MBNL1: variants seen among roughly 807,000 people sequenced by gnomAD.
MBNL1 encodes muscleblind like splicing regulator 1.
MBNL1 carries 8 observed loss-of-function variants against 42.2 expected under a neutral mutation model. The ratio of observed to expected loss-of-function variants is 0.19; its 90% CI spans 0.11 to 0.34. The LOEUF (loss-of-function observed/expected upper bound fraction) is 0.34, where lower values mean the gene tolerates loss of function less well. Ranked by LOEUF, MBNL1 falls within the 10% of genes least tolerant of loss-of-function variation. The pLI, the probability that MBNL1 is intolerant of heterozygous loss-of-function variation, is 1.00. For missense variants in MBNL1, 309 were observed against 495.3 expected, an observed-to-expected ratio of 0.62 and a Z score of 3.57; for synonymous variants, 169 against 173.9, an observed-to-expected ratio of 0.97 and a Z score of 0.22.
chr3:152,275,311 C>T (rs1043616293), intron 1 of MBNL1, among the ~76,000 whole-genome samples: 5 of 152,112 alleles, frequency 3.3e-5, no homozygotes, highest in African/African-American at 1.2e-4. Flanking sequence ...CTATCAAAGG[C>T]CCCCTTACTG....
At chr3:152,424,761 A>T (rs2098885877) in intron 3 of MBNL1, among the ~76,000 whole-genome samples, 1 of 152,200 alleles carries the variant, frequency 6.6e-6, no homozygotes, top group Non-Finnish European at 1.5e-5. Context: ...GAGGCCTCAG[A>T]AATCACACCA....
At chr3:152,402,860 T>C (rs1021187594) in intron 2 of MBNL1, among the ~76,000 whole-genome samples, 6 of 152,308 alleles carry the variant, frequency 3.9e-5, no homozygotes, top group Non-Finnish European at 7.3e-5. Flanking sequence ...TAAACACTTA[T>C]GGGGTTTTCT....
At chr3:152,427,633 A>G (rs1328247067) in intron 3 of MBNL1, among the ~76,000 whole-genome samples, 6 of 152,142 alleles carry the variant, frequency 3.9e-5, no homozygotes, top group East Asian at 1.9e-4. Context: ...TTTATATTCA[A>G]AATAGTTCAG....
At chr3:152,412,270 C>A (rs1280178321) in intron 2 of MBNL1, among the ~76,000 whole-genome samples, 2 of 148,526 alleles carry the variant, frequency 1.3e-5, no homozygotes, top group Non-Finnish European at 3.0e-5. Context: ...AGACATTATT[C>A]TCTTATTTTT....
chr3:152,403,963 A>T (rs1228966312), intron 2 of MBNL1, among the ~76,000 whole-genome samples: 1 of 152,166 alleles, frequency 6.6e-6, no homozygotes, highest in African/African-American at 2.4e-5. Flanking sequence ...TACAAAGTTG[A>T]TCTGTCTGAA....
intron 2 of MBNL1, among the ~76,000 whole-genome samples, chr3:152,368,317 TTGTAGA>T (rs1211164233): frequency 6.6e-6 from 1 of 152,146 alleles, no homozygotes. Context: ...GATGAGATAG[TTGTAGA>T]TGTGTGGTGT....
At chr3:152,260,363 C>G (rs915129770) in intron 2 of MBNL1, among the ~76,000 whole-genome samples, 1 of 152,112 alleles carries the variant, frequency 6.6e-6, no homozygotes, top group Non-Finnish European at 1.5e-5. Flanking sequence ...GGACTGACGG[C>G]ACATTCACGA....
At chr3:152,285,384 G>A (rs934761230) in intron 1 of MBNL1, among the ~76,000 whole-genome samples, 2 of 151,994 alleles carry the variant, frequency 1.3e-5, no homozygotes, top group African/African-American at 2.4e-5. Flanking sequence ...TTTAGCATAG[G>A]GATTTTAATG....
intron 1 of MBNL1, among the ~76,000 whole-genome samples, chr3:152,274,183 A>C (rs139862032): frequency 1.3e-5 from 2 of 151,878 alleles, no homozygotes; most frequent in East Asian, 3.9e-4. Flanking sequence ...ATTAACTAAA[A>C]ATGAACTTGT....
rs145199298 is a variant in MBNL1 at position 152,432,908 on chromosome 3, A to G, written c.537A>G (p.Thr179=). The part of the protein sequence containing the change: ...AAAAAQKLMR[T]DRLEVCREYQ... ...CTGCTGCACAGAAATTAATGCGAAC[A>G]GACAGACTTGAGGTAGGAATGACTA... Residue 179 remains threonine (T), a synonymous_variant, in exon 4 of 10, where the codon ACA becomes ACG. Coordinates refer to ENST00000324210, the MANE Select transcript of MBNL1 (RefSeq NM_021038.5). The G allele has an allele frequency of 6.7e-4, 1,086 of 1,612,914 alleles. No homozygotes were observed. Among genetic ancestry groups the G allele is most frequent in the Middle Eastern group, 9.9e-4 (6 of 6,056 alleles).
chr3:152,454,757 TC>T (rs772311182), intron 6 of MBNL1, among the ~76,000 whole-genome samples: 4 of 152,152 alleles, frequency 2.6e-5, no homozygotes, highest in Non-Finnish European at 5.9e-5. Context: ...CATTTGCTAC[TC>T]CCAGAAGTCT....
In MBNL1 at chr3:152,339,271, T is replaced by A. The variant is rs547809441; in HGVS notation, c.174+38904T>A. 1.1e-4 allele frequency among the ~76,000 whole-genome samples: 16 copies of A among 152,216 alleles called. 1 individual carries two copies. The highest frequency in any genetic ancestry group is 3.1e-4 in the African/African-American group (13 of 41,542). ...TTTTAGATTTTAAAGGGAAAAAAAT[T>A]AAAATAAAAAAACTTTTTGGGAAAA... On this transcript the variant is annotated intron_variant, in intron 2 of 9. Transcript: ENST00000324210.
At chr3:152,252,357 C>T (rs1326071822) in intron 2 of MBNL1, among the ~76,000 whole-genome samples, 3 of 142,530 alleles carry the variant, frequency 2.1e-5, no homozygotes, top group African/African-American at 7.6e-5. Context: ...CTTTTACATA[C>T]AATTAGGTTC....
Position 152,465,149 on chromosome 3 carries a change from A to C in MBNL1, c.*2783A>C, listed in dbSNP as rs1296738469. 2 of 152,292 alleles carry C rather than the reference A, an allele frequency of 1.3e-5. No homozygotes were observed. Among genetic ancestry groups the C allele is most frequent in the Admixed American group, 1.3e-4 (2 of 15,278 alleles). The allele number at this position is 152,292 out of a possible 1,614,324, so 9.4% of individuals were successfully genotyped here. On this transcript the variant is annotated 3_prime_UTR_variant, in exon 10 of 10. Coordinates refer to ENST00000324210, the MANE Select transcript of MBNL1 (RefSeq NM_021038.5). ...GTACTTCTACCATTAAGGTGAAATCATGGATCAGATATTCCTTACATTTTT... is the reference window on the plus strand; with the variant it reads ...GTACTTCTACCATTAAGGTGAAATCCTGGATCAGATATTCCTTACATTTTT...
intron 1 of MBNL1, among the ~76,000 whole-genome samples, chr3:152,293,467 CA>C (rs2057080328): frequency 6.6e-6 from 1 of 152,186 alleles, no homozygotes; most frequent in African/African-American, 2.4e-5. Context: ...ATTGTGTGAG[CA>C]AACTTAGTTT....
intron 3 of MBNL1, among the ~76,000 whole-genome samples, chr3:152,423,126 A>C (rs1450419988): frequency 6.6e-6 from 1 of 152,186 alleles, no homozygotes; most frequent in Admixed American, 6.5e-5. Context: ...GATACAAAAA[A>C]CCCTTCAAAA....
intron 2 of MBNL1, among the ~76,000 whole-genome samples, chr3:152,394,689 T>C (rs1157291492): frequency 6.6e-6 from 1 of 152,036 alleles, no homozygotes; most frequent in African/African-American, 2.4e-5. Context: ...AATAAACACA[T>C]AAATAAGCAA....
At chr3:152,331,854 G>T (rs55716518) in intron 2 of MBNL1, among the ~76,000 whole-genome samples, 1,944 of 151,918 alleles carry the variant, frequency 0.013, 39 homozygotes, top group African/African-American at 0.044. Flanking sequence ...ACCACACCCA[G>T]CTAATTTTTG....
At chr3:152,285,082 C>G (rs1011911420) in intron 1 of MBNL1, among the ~76,000 whole-genome samples, 1 of 152,132 alleles carries the variant, frequency 6.6e-6, no homozygotes, top group Non-Finnish European at 1.5e-5. Flanking sequence ...CCGTTCTCAG[C>G]TCTGTAAAAG....
Sources: gnomAD v4.1 joint callset for allele counts (sites outside exome capture counted in the v4.1 genomes callset) on GRCh38, gnomAD v4.1.1 for gene constraint, MANE v1.5 for transcripts, NCBI Gene and HGNC (gene_info 2026-07-23, HGNC 2026-07-21) for gene names.